PRKDC: variants seen among roughly 807,000 people sequenced by gnomAD.
PRKDC encodes the protein protein kinase, DNA-activated, catalytic subunit, also known as DNA-dependent protein kinase catalytic subunit.
A neutral mutation model predicts 486.9 loss-of-function variants in PRKDC; 82 were observed. The observed-to-expected ratio is 0.17, with a 90% CI of 0.14 to 0.20. The LOEUF (loss-of-function observed/expected upper bound fraction) is 0.20, where lower values mean the gene tolerates loss of function less well. Ranked by LOEUF, PRKDC falls within the 10% of genes least tolerant of loss-of-function variation. PRKDC has a pLI of 1.00. For synonymous variants in PRKDC, 1,895 were observed against 1,837.0 expected (o/e 1.03, Z -0.81); for missense variants, 4,504 against 5,038.2 (o/e 0.89, Z 3.21).
At chr8:47,802,622 C>A (rs1253975375) in intron 70 of PRKDC, among the ~76,000 whole-genome samples, 1 of 151,352 alleles carries the variant, frequency 6.6e-6, no homozygotes, top group African/African-American at 2.4e-5. Context: ...CGAAGACAGG[C>A]GCCTGCCACC....
chr8:47,868,435 T>C (rs577326934), intron 40 of PRKDC, among the ~76,000 whole-genome samples: 1 of 150,864 alleles, frequency 6.6e-6, no homozygotes, highest in Non-Finnish European at 1.5e-5. Context: ...CTGGGCGTGA[T>C]AGCATGCCTG....
intron 40 of PRKDC, among the ~76,000 whole-genome samples, chr8:47,865,783 T>G (rs1262563691): frequency 6.6e-6 from 1 of 152,070 alleles, no homozygotes; most frequent in African/African-American, 2.4e-5. Context: ...CTCCCCAAAT[T>G]CCTATGTTGA....
Position 47,939,533 on chromosome 8 carries a change from TAA to T in PRKDC, c.1113+16_1113+17del. On this transcript the variant is annotated intron_variant, in intron 11 of 85. Coordinates refer to ENST00000314191, the MANE Select transcript of PRKDC (RefSeq NM_006904.7). Reference sequence around the variant, plus strand: ...CACGTGAAACCAAGACAAAATAGAGTAAGTTAATGAGACATACTCCTGCAAAA... The same window carrying T: ...CACGTGAAACCAAGACAAAATAGAGTGTTAATGAGACATACTCCTGCAAAA... 6.2e-7 allele frequency: 1 copy of T among 1,601,130 alleles called. No individual in the cohort carries two copies. The highest frequency in any genetic ancestry group is 8.5e-7 in the Non-Finnish European group (1 of 1,174,692).
rs761917285 is a variant in PRKDC, at chr8:47,943,883, T to C, written c.778A>G (p.Ile260Val). The C allele has an allele frequency of 6.9e-5, 110 of 1,592,794 alleles. No homozygotes were observed. Among genetic ancestry groups the C allele is most frequent in the Non-Finnish European group, 9.3e-5 (109 of 1,167,360 alleles). The change falls in exon 9 of 86, where the codon ATT (isoleucine) becomes GTT (valine). Residue 260 changes from isoleucine (I) to valine (V), a missense_variant and splice_region_variant. Around this residue, in one of 6 missense-constraint regions of PRKDC, gnomAD observed 1,969 missense variants for 2,068.9 expected, o/e 0.95. Transcript: ENST00000314191. ...GGCACAGCATATCTCTTCAGATCAA[T>C]CTATTTTAGAAAAGAAAAATTCACC... Reference protein sequence around the residue: ...NFVLKAIRPQIDLKRYAVPSA... With the variant: ...NFVLKAIRPQVDLKRYAVPSA...
chr8:47,867,752 T>C (rs2088850686), intron 40 of PRKDC, among the ~76,000 whole-genome samples: 1 of 152,148 alleles, frequency 6.6e-6, no homozygotes, highest in Non-Finnish European at 1.5e-5. Flanking sequence ...TAGTAAAAAA[T>C]TTAGTTGCCT....
Position 47,828,251 on chromosome 8 carries a change from T to A in PRKDC, c.8494A>T (p.Ile2832Phe). The A allele has an allele frequency of 6.2e-7, 1 of 1,613,526 alleles. No individual in the cohort carries two copies. Among genetic ancestry groups the A allele is most frequent in the Non-Finnish European group, 8.5e-7 (1 of 1,179,658 alleles). ...KFKTLSEKNNITQKLLQDFNR... is the reference protein window; with the variant it reads ...KFKTLSEKNNFTQKLLQDFNR... The stretch of plus-strand genomic sequence containing the variant: ...AAGTCTTGAAGCAACTTTTGAGTGA[T>A]GTTGTTTTTTTCAGACAGTGTCTTA... Residue 2832 changes from isoleucine to phenylalanine, a missense_variant, in exon 62 of 86, where the codon ATC (isoleucine) becomes TTC (phenylalanine). By Grantham distance (21) the Ile-to-Phe change is conservative. This residue lies in a region of PRKDC where 1,592 missense variants were observed against 1,724.6 expected (regional missense o/e 0.92). Transcript: ENST00000314191.
chr8:47,806,646 A>T (rs2087220937), intron 69 of PRKDC, among the ~76,000 whole-genome samples: 1 of 152,226 alleles, frequency 6.6e-6, no homozygotes, highest in Non-Finnish European at 1.5e-5. Context: ...TGTATACTTA[A>T]TATCAAGAAG....
rs1434401784 is a variant in PRKDC, at chr8:47,782,906, T to A, written c.11176-308A>T. 7.3e-6 allele frequency: 3 copies of A among 411,282 alleles called. No homozygotes were observed. The highest frequency in any genetic ancestry group is 1.3e-5 in the Non-Finnish European group (3 of 223,222). 25.5% of individuals were successfully genotyped at this position (411,282 alleles called of 1,614,324 possible). A position where few individuals can be genotyped will look rare whatever the true frequency, so the allele number is the denominator to read the frequency against. On this transcript the variant is annotated intron_variant, in intron 78 of 85. Coordinates refer to ENST00000314191, the MANE Select transcript of PRKDC (RefSeq NM_006904.7). This position sits in a 1 kb window ranked among gnomAD's most constrained non-coding sequence, Gnocchi z 4.9. ...AATGCTACACATATTTTATAGTGGA[T>A]ACTCACACACAGCTTACTCTTTGAG...
At chr8:47,927,114 C>T in intron 21 of PRKDC, 80 bp downstream of exon 21, 1 of 1,362,288 alleles carries the variant, frequency 7.3e-7, no homozygotes, top group African/African-American at 1.5e-5. Context: ...TCAGAAGTTA[C>T]AAAAATACAG....
chr8:47,959,046 T>A (rs1489389101), intron 1 of PRKDC: 1 of 152,104 alleles, frequency 6.6e-6, no homozygotes, highest in Non-Finnish European at 1.5e-5. Context: ...ACATATAGCA[T>A]CTAGTTTAAA....
chr8:47,913,623 C>T (rs2089941950), intron 24 of PRKDC, among the ~76,000 whole-genome samples: 1 of 152,146 alleles, frequency 6.6e-6, no homozygotes, highest in Non-Finnish European at 1.5e-5. Flanking sequence ...AAACTCCTGA[C>T]CTCAAGTGAT....
intron 36 of PRKDC, among the ~76,000 whole-genome samples, chr8:47,882,703 G>C (rs1004840040): frequency 6.6e-6 from 1 of 152,198 alleles, no homozygotes; most frequent in East Asian, 1.9e-4. Flanking sequence ...TCCTGCAACA[G>C]AGTGACAGGC....
intron 72 of PRKDC, 104 bp downstream of exon 72, chr8:47,799,105 AT>A: frequency 1.4e-6 from 2 of 1,396,852 alleles, no homozygotes; most frequent in South Asian, 2.7e-5. Context: ...TTTTCAAAAT[AT>A]TTGTAATTTG....
chr8:47,855,074 T>G (rs2088502683), intron 50 of PRKDC, 148 bp downstream of exon 50: 1 of 871,526 alleles, frequency 1.1e-6, no homozygotes, highest in African/African-American at 1.7e-5. Flanking sequence ...GGTGCCACAC[T>G]CTGGAGGCTG....
In PRKDC at chr8:47,858,955, A is replaced by G; in HGVS notation, c.6239T>C (p.Val2080Ala). Residue 2080 changes from valine (V) to alanine (A), a missense_variant, in exon 47 of 86, where the codon GTG (valine) becomes GCG (alanine). This residue lies in a region of PRKDC where 1,592 missense variants were observed against 1,724.6 expected (regional missense o/e 0.92). Transcript: ENST00000314191. ...EQRDPTVHDD[V>A]LELEMDELNR... ...GAGCTCGTCCATCTCCAGCTCCAGC[A>G]CATCATCATGCACCGTGGGGTCCCG... The G allele has an allele frequency of 6.2e-7, 1 of 1,613,610 alleles. No homozygotes were observed.
At chr8:47,792,424 A>G (rs1000117895) in intron 74 of PRKDC, among the ~76,000 whole-genome samples, 1 of 151,852 alleles carries the variant, frequency 6.6e-6, no homozygotes, top group African/African-American at 2.4e-5. Flanking sequence ...ATGCCCGGCT[A>G]ATTTTTTGTA....
intron 45 of PRKDC, 103 bp from the exon 46 acceptor site, chr8:47,859,862 C>A (rs1213694718): frequency 1.7e-6 from 2 of 1,202,346 alleles, no homozygotes; most frequent in Admixed American, 5.0e-5. Flanking sequence ...ACATTTTAAT[C>A]TAAGGTTTTC....
intron 7 of PRKDC, among the ~76,000 whole-genome samples, chr8:47,948,167 T>C (rs895790309): frequency 6.6e-6 from 1 of 151,652 alleles, no homozygotes; most frequent in Non-Finnish European, 1.5e-5. Flanking sequence ...TTTTTTGAGA[T>C]GGAGTCTTGC....
chr8:47,890,707 T>C (rs1409545864), intron 31 of PRKDC, among the ~76,000 whole-genome samples: 1 of 152,190 alleles, frequency 6.6e-6, no homozygotes, highest in Non-Finnish European at 1.5e-5. Context: ...AAACATTACA[T>C]GTGAGAAGAT....
Sources: gnomAD v4.1 joint callset for allele counts (sites outside exome capture counted in the v4.1 genomes callset) on GRCh38, gnomAD v4.1.1 for gene constraint, gnomAD v4.1.1 regional missense constraint, Gnocchi (gnomAD v3.1) non-coding constraint, MANE v1.5 for transcripts, NCBI Gene and HGNC (gene_info 2026-07-23, HGNC 2026-07-21) for gene names.